Variants in NPIPB2 observed in about 807,000 individuals in gnomAD.
NPIPB2 encodes nuclear pore complex interacting protein family member B2, also known as nuclear pore complex-interacting protein family member B2.
A neutral mutation model predicts 30.8 loss-of-function variants in NPIPB2; 27 were observed. The observed-to-expected ratio is 0.88, with a 90% CI of 0.65 to 1.21. NPIPB2 has a LOEUF of 1.21. Among genes scored for constraint, NPIPB2 ranks in the 50% most tolerant of loss-of-function variants. NPIPB2 has a pLI of 0.00. For synonymous variants in NPIPB2, 147 were observed against 162.0 expected (o/e 0.91, Z 0.70); for missense variants, 440 against 446.2 (o/e 0.99, Z 0.13).
chr16:11,956,660 A>C (rs1188894678), intron 1 of NPIPB2, among the ~76,000 whole-genome samples: 1 of 152,222 alleles, frequency 6.6e-6, no homozygotes, highest in Non-Finnish European at 1.5e-5. Flanking sequence ...TGGGGAACAC[A>C]GTGAGACTCT....
intron 1 of NPIPB2, among the ~76,000 whole-genome samples, chr16:11,938,081 C>T (rs1267107206): frequency 6.7e-6 from 1 of 149,916 alleles, no homozygotes; most frequent in Non-Finnish European, 1.5e-5. Context: ...TGCAGTGGTG[C>T]AATCTCGGCT....
chr16:11,960,187 T>C (rs1369390336), intron 1 of NPIPB2, among the ~76,000 whole-genome samples: 1 of 152,214 alleles, frequency 6.6e-6, no homozygotes, highest in Non-Finnish European at 1.5e-5. Flanking sequence ...CGAACAGTTC[T>C]GTTGCTCTAG....
intron 1 of NPIPB2, among the ~76,000 whole-genome samples, chr16:11,971,877 T>C (rs2055237708): frequency 6.6e-6 from 1 of 152,108 alleles, no homozygotes; most frequent in Non-Finnish European, 1.5e-5. Context: ...CCAGGCGTAG[T>C]GGCTCTTGCC....
At chr16:11,957,794 A>G (rs1177163585) in intron 1 of NPIPB2, among the ~76,000 whole-genome samples, 1 of 152,160 alleles carries the variant, frequency 6.6e-6, no homozygotes, top group Non-Finnish European at 1.5e-5. Context: ...CAGTACTGCA[A>G]CATCCACTCT....
upstream of NPIPB2, among the ~76,000 whole-genome samples, chr16:11,945,046 G>A (rs1385659629): frequency 6.6e-6 from 1 of 151,748 alleles, no homozygotes; most frequent in Non-Finnish European, 1.5e-5. Flanking sequence ...AATTAGCCAG[G>A]CATGGTGGAG....
intron 1 of NPIPB2, among the ~76,000 whole-genome samples, chr16:11,957,101 T>C (rs2055118332): frequency 6.6e-6 from 1 of 151,730 alleles, no homozygotes; most frequent in African/African-American, 2.4e-5. Context: ...CAAGCGATTC[T>C]CCTGCCTCAG....
intron 4 of NPIPB2, among the ~76,000 whole-genome samples, chr16:11,933,137 T>C (rs1342249167): frequency 6.6e-6 from 1 of 151,622 alleles, no homozygotes; most frequent in African/African-American, 2.4e-5. Flanking sequence ...GGTGGGCACC[T>C]GTAATCCCAG....
At chr16:11,933,451 T>C in intron 4 of NPIPB2, 66 bp downstream of exon 4, 1 of 1,591,772 alleles carries the variant, frequency 6.3e-7, no homozygotes, top group Non-Finnish European at 8.5e-7. Context: ...CTCAAGGACT[T>C]TACAGTTGTC....
chr16:11,937,777 T>A, intron 1 of NPIPB2, 109 bp from the exon 2 acceptor site: 1 of 1,450,944 alleles, frequency 6.9e-7, no homozygotes, highest in South Asian at 1.2e-5. Context: ...GGTAACCACA[T>A]CCCTCAGATA....
At chr16:11,974,591 AAAAG>A (rs1221399747) in intron 1 of NPIPB2, among the ~76,000 whole-genome samples, 4 of 152,120 alleles carry the variant, frequency 2.6e-5, no homozygotes, top group Non-Finnish European at 4.4e-5. Flanking sequence ...TTAGAGGAAA[AAAAG>A]AAAGTAGAGG....
chr16:11,937,514 C>T (rs760410793), intron 2 of NPIPB2, 26 bp downstream of exon 2: 10 of 1,311,078 alleles, frequency 7.6e-6, no homozygotes, highest in African/African-American at 1.4e-5. Flanking sequence ...TACAAGTATA[C>T]CTCTACAGAA....
chr16:11,973,884 G>A (rs779968893), intron 1 of NPIPB2, among the ~76,000 whole-genome samples: 2 of 152,190 alleles, frequency 1.3e-5, no homozygotes, highest in African/African-American at 2.4e-5. Flanking sequence ...TTCTGTTGAG[G>A]AGCAATAAAG....
intron 1 of NPIPB2, among the ~76,000 whole-genome samples, chr16:11,969,944 T>C (rs551396343): frequency 2.6e-3 from 3 of 1,170 alleles, no homozygotes; most frequent in Admixed American, 0.028. Flanking sequence ...CTGCAACCTC[T>C]ACCTCAAGAG....
intron 1 of NPIPB2, chr16:11,965,439 C>T (rs550606391): frequency 3.6e-5 from 58 of 1,613,984 alleles, no homozygotes; most frequent in South Asian, 3.2e-4. Flanking sequence ...AACATGTCAG[C>T]GTTATTGTAA....
chr16:11,954,152 T>G (rs895259652), intron 1 of NPIPB2, among the ~76,000 whole-genome samples: 1 of 152,138 alleles, frequency 6.6e-6, no homozygotes, highest in Admixed American at 6.6e-5. Context: ...TTGTATCTCT[T>G]TCATGCAAAA....
Position 11,933,559 on chromosome 16 carries a change from T to C in NPIPB2, c.446A>G (p.His149Arg), listed in dbSNP as rs539599080. ...CCTCTTTCCATTGATTTTGTCATGA[T>C]GGTTGATTTTCGTTGTCACCTTCAT... Residue 149 changes from histidine (H) to arginine (R), a missense_variant, in exon 4 of 8, where the codon CAT becomes CGT. By Grantham distance (29) the His-to-Arg change is conservative. Transcript: ENST00000399147. 74 of 1,597,146 alleles carry C rather than the reference T, an allele frequency of 4.6e-5. No homozygotes were observed. The African/African-American group carries it at 7.2e-4, about 16-fold the overall frequency.
upstream of NPIPB2, among the ~76,000 whole-genome samples, chr16:11,945,205 C>CAAAT (rs1413308780): frequency 6.6e-6 from 1 of 151,546 alleles, no homozygotes; most frequent in Non-Finnish European, 1.5e-5. Flanking sequence ...AACAAACTAA[C>CAAAT]AAATAAATAA....
At chr16:11,967,096 G>A in intron 1 of NPIPB2, 1 of 219,836 alleles carries the variant, frequency 4.5e-6, no homozygotes, top group Non-Finnish European at 9.5e-6. Context: ...TGCCTCTTGG[G>A]TTCAAACAAT....
chr16:11,955,436 G>T (rs1201337694), intron 1 of NPIPB2, among the ~76,000 whole-genome samples: 1 of 151,094 alleles, frequency 6.6e-6, no homozygotes, highest in East Asian at 1.9e-4. Flanking sequence ...CTGGCCAGGC[G>T]TGGTGGCTCA....
Sources: gnomAD v4.1 joint callset for allele counts (sites outside exome capture counted in the v4.1 genomes callset) on GRCh38, gnomAD v4.1.1 for gene constraint, MANE v1.5 for transcripts, NCBI Gene and HGNC (gene_info 2026-07-23, HGNC 2026-07-21) for gene names.